The following CTNNBIP1 variants were observed in gnomAD, a reference collection of about 807,000 sequenced individuals.
The protein encoded by CTNNBIP1 is catenin beta interacting protein 1.
CTNNBIP1 carries 7 observed loss-of-function variants against 11.8 expected under a neutral mutation model. The observed-to-expected ratio is 0.60, with a 90% CI of 0.34 to 1.12. The LOEUF is 1.12. CTNNBIP1 is among the 50% of genes most tolerant of loss of function. The pLI, the probability that CTNNBIP1 is intolerant of heterozygous loss-of-function variation, is 0.03. For missense variants in CTNNBIP1, 101 were observed against 113.4 expected (o/e 0.89, Z 0.50); for synonymous variants, 58 against 43.9 (o/e 1.32, Z -1.26).
Position 9,851,527 on chromosome 1 carries a change from C to T in CTNNBIP1, c.188-751G>A, listed in dbSNP as rs768192067. ...CTGGGATTACAGGTGTGCATCACCA[C>T]GCCCGGCTAATTTTTTTGTATTTTT... On this transcript the variant is annotated intron_variant, in intron 5 of 5. Transcript: ENST00000377263. This position sits in a 1 kb window ranked among gnomAD's most constrained non-coding sequence, Gnocchi z 4.8. 2.0e-5 allele frequency among the ~76,000 whole-genome samples: 3 copies of T among 152,170 alleles called. No homozygotes were observed. The highest frequency in any genetic ancestry group is 2.9e-5 in the Non-Finnish European group (2 of 68,000).
intron 5 of CTNNBIP1, among the ~76,000 whole-genome samples, chr1:9,857,945 T>A (rs1012404360): frequency 1.3e-5 from 2 of 151,938 alleles, no homozygotes; most frequent in African/African-American, 4.8e-5. Context: ...CTGGTGGGAG[T>A]GTCAGGTGGT....
intron 1 of CTNNBIP1, among the ~76,000 whole-genome samples, chr1:9,884,735 A>C (rs560073090): frequency 6.6e-6 from 1 of 152,302 alleles, no homozygotes; most frequent in East Asian, 1.9e-4. Flanking sequence ...GGAAATCCTT[A>C]GCACACAGGA....
At chr1:9,854,590 A>T (rs1638463781) in intron 5 of CTNNBIP1, among the ~76,000 whole-genome samples, 1 of 152,158 alleles carries the variant, frequency 6.6e-6, no homozygotes, top group East Asian at 1.9e-4. Flanking sequence ...AATAAAAGCC[A>T]TCCAGATTGG....
chr1:9,858,655 G>A (rs1256361398), intron 5 of CTNNBIP1, among the ~76,000 whole-genome samples: 1 of 152,204 alleles, frequency 6.6e-6, no homozygotes, highest in East Asian at 1.9e-4. Context: ...CACCCTCAGT[G>A]CTACCCACAG....
chr1:9,868,308 G>C (rs1285588814), intron 5 of CTNNBIP1, among the ~76,000 whole-genome samples: 2 of 152,184 alleles, frequency 1.3e-5, no homozygotes, highest in Non-Finnish European at 1.5e-5. Context: ...AGTAGCTGTG[G>C]ACAGACACCA....
In CTNNBIP1 at chr1:9,855,803, A is replaced by G. The variant is rs115636848; in HGVS notation, c.188-5027T>C. Among the ~76,000 whole-genome samples, 1,364 of 151,786 alleles carry G rather than the reference A, an allele frequency of 9.0e-3. 19 individuals carry two copies. The highest frequency in any genetic ancestry group is 0.03 in the African/African-American group (1,258 of 41,290). Reference sequence around the variant, plus strand: ...AGTGCAGTGGTACAATCAGCACTCAAAGCAGCCTTGACCTTCTGGACTCAA... The same window carrying G: ...AGTGCAGTGGTACAATCAGCACTCAGAGCAGCCTTGACCTTCTGGACTCAA... On this transcript the variant is annotated intron_variant, in intron 5 of 5. Transcript: ENST00000377263.
chr1:9,880,634 A>T (rs1331617719), intron 2 of CTNNBIP1, among the ~76,000 whole-genome samples: 1 of 152,228 alleles, frequency 6.6e-6, no homozygotes. Context: ...CAGCCTCGCC[A>T]GCATTTATTG....
chr1:9,876,143 C>T (rs1638964444), intron 3 of CTNNBIP1, among the ~76,000 whole-genome samples: 1 of 152,294 alleles, frequency 6.6e-6, no homozygotes. Flanking sequence ...AAATTAGACA[C>T]ACTAATTATT....
chr1:9,873,864 A>G (rs1173607234), intron 3 of CTNNBIP1, among the ~76,000 whole-genome samples: 1 of 152,124 alleles, frequency 6.6e-6, no homozygotes, highest in East Asian at 1.9e-4. Context: ...CCTCCTGAGT[A>G]AGCTAGGGCC....
intron 2 of CTNNBIP1, among the ~76,000 whole-genome samples, chr1:9,880,220 C>T (rs572471105): frequency 6.6e-6 from 1 of 150,622 alleles, no homozygotes; most frequent in African/African-American, 2.4e-5. Flanking sequence ...TGAGTGAGAA[C>T]ATACGATGTT....
In CTNNBIP1 at chr1:9,854,466, G is replaced by A. The variant is rs147866141; in HGVS notation, c.188-3690C>T. 2.0e-5 allele frequency among the ~76,000 whole-genome samples: 3 copies of A among 151,076 alleles called. No individual in the cohort carries two copies. In the East Asian group the frequency reaches 5.8e-4, roughly 29 times the overall value. On this transcript the variant is annotated intron_variant, in intron 5 of 5. Coordinates refer to ENST00000377263, the MANE Select transcript of CTNNBIP1 (RefSeq NM_020248.3). ...AAATCCCACAGCTCTTATCATATTT[G>A]TTGTGAAAACTCTCCCTACCAAGAT...
chr1:9,887,256 C>G (rs1485579292), intron 1 of CTNNBIP1, among the ~76,000 whole-genome samples: 1 of 152,164 alleles, frequency 6.6e-6, no homozygotes, highest in Non-Finnish European at 1.5e-5. Context: ...GAATTATTCC[C>G]ATTTTATGGA....
intron 1 of CTNNBIP1, among the ~76,000 whole-genome samples, chr1:9,886,347 A>G (rs578147709): frequency 2.2e-4 from 33 of 152,202 alleles, no homozygotes; most frequent in African/African-American, 8.0e-4. Flanking sequence ...CCTGGCCTCC[A>G]CCCACTAGAT....
chr1:9,877,058 G>A (rs923696138), intron 3 of CTNNBIP1, among the ~76,000 whole-genome samples: 13 of 152,282 alleles, frequency 8.5e-5, no homozygotes, highest in Admixed American at 3.3e-4. Context: ...TAAGAGGCAC[G>A]CTCAGATGCC....
In CTNNBIP1 at chr1:9,888,333, G is replaced by A. The variant is rs1362819854; in HGVS notation, c.-143-4595C>T. ...GCGGTGGCTCATGCCTGTAATCCCA[G>A]CACTTTGGGAGGCTGAGGTGCGCGG... On this transcript the variant is annotated intron_variant, in intron 1 of 5. Coordinates refer to ENST00000377263, the MANE Select transcript of CTNNBIP1 (RefSeq NM_020248.3). Among the ~76,000 whole-genome samples the A allele has an allele frequency of 2.0e-5, 3 of 151,642 alleles. No homozygotes were observed. The South Asian group carries it at 6.3e-4, about 32-fold the overall frequency.
intron 1 of CTNNBIP1, among the ~76,000 whole-genome samples, chr1:9,903,107 T>C (rs936621359): frequency 6.6e-6 from 1 of 152,200 alleles, no homozygotes; most frequent in Admixed American, 6.5e-5. Flanking sequence ...ATATTCCTAG[T>C]ACCTATGATG....
In CTNNBIP1 at chr1:9,851,402, G is replaced by C. The variant is rs1454904658; in HGVS notation, c.188-626C>G. Among the ~76,000 whole-genome samples the C allele has an allele frequency of 1.3e-5, 2 of 151,162 alleles. No homozygotes were observed. The highest frequency in any genetic ancestry group is 2.9e-5 in the Non-Finnish European group (2 of 67,890). ...TTTTTTGTGTGTGATATGGAGTCTT[G>C]CTCTATCACCCAGGCTGGAGTATAG... is the stretch of plus-strand genomic sequence containing the variant. On this transcript the variant is annotated intron_variant, in intron 5 of 5. Coordinates refer to ENST00000377263, the MANE Select transcript of CTNNBIP1 (RefSeq NM_020248.3). The surrounding 1 kb of genome is among the most constrained non-coding windows in gnomAD (Gnocchi z 4.8).
At chr1:9,860,408 T>C (rs970361173) in intron 5 of CTNNBIP1, among the ~76,000 whole-genome samples, 2 of 115,462 alleles carry the variant, frequency 1.7e-5, no homozygotes, top group Non-Finnish European at 3.3e-5. Context: ...CTGGCCAACA[T>C]GGTGAAACCC....
chr1:9,853,850 T>C (rs1481700074), intron 5 of CTNNBIP1, among the ~76,000 whole-genome samples: 2 of 152,086 alleles, frequency 1.3e-5, no homozygotes, highest in Non-Finnish European at 2.9e-5. Context: ...AAAAGAGAAC[T>C]ACAGATGAGT....
Sources: gnomAD v4.1 joint callset for allele counts (sites outside exome capture counted in the v4.1 genomes callset) on GRCh38, gnomAD v4.1.1 for gene constraint, Gnocchi (gnomAD v3.1) non-coding constraint, MANE v1.5 for transcripts, NCBI Gene and HGNC (gene_info 2026-07-23, HGNC 2026-07-21) for gene names.